Variants in SORCS2 observed in about 807,000 individuals in gnomAD.
SORCS2 encodes VPS10 domain-containing receptor SorCS2.
SORCS2 carries 100 observed loss-of-function variants against 141.6 expected under a neutral mutation model. The ratio of observed to expected loss-of-function variants is 0.71; its 90% CI spans 0.60 to 0.83. The LOEUF (loss-of-function observed/expected upper bound fraction) is 0.83, where lower values mean the gene tolerates loss of function less well. Among genes scored for constraint, SORCS2 ranks in the 40% least tolerant of loss-of-function variants. The probability of loss-of-function intolerance (pLI) is 0.00; values close to 1 mark genes in which losing one functional copy is unlikely to be tolerated. For missense variants in SORCS2, 1,646 were observed against 1,560.2 expected (o/e 1.05, Z -0.93); for synonymous variants, 789 against 676.9 (o/e 1.17, Z -2.57).
chr4:7,354,399 A>G (rs936711701), intron 1 of SORCS2, among the ~76,000 whole-genome samples: 4 of 150,736 alleles, frequency 2.7e-5, no homozygotes, highest in African/African-American at 9.8e-5. Context: ...CTCCCCCAAG[A>G]AAGACCCCCC....
rs576718626 is a variant in SORCS2 at position 7,482,555 on chromosome 4, C to T, written c.549-48975C>T. Among the ~76,000 whole-genome samples the T allele has an allele frequency of 2.5e-3, 174 of 70,250 alleles. 1 individual carries two copies. Among genetic ancestry groups the T allele is most frequent in the Non-Finnish European group, 3.9e-3 (153 of 39,416 alleles). The allele number at this position is 70,250 out of a possible 152,430, so 46.1% of individuals were successfully genotyped here. On this transcript the variant is annotated intron_variant, in intron 2 of 26. Transcript: ENST00000507866. ...GTATCCCCACTGCGGACACCCCTGA[C>T]GCTGTTCAGACCTGTATCCCCACTG...
At position 7,740,993 on chromosome 4, in the gene SORCS2, C is replaced by T; in HGVS notation, c.*729C>T. 1 of 398,656 alleles carries T rather than the reference C, an allele frequency of 2.5e-6. No individual in the cohort carries two copies. The highest frequency in any genetic ancestry group is 4.4e-5 in the Admixed American group (1 of 22,756). 24.7% of individuals were successfully genotyped at this position (398,656 alleles called of 1,614,324 possible). A position where few individuals can be genotyped will look rare whatever the true frequency, so the allele number is the denominator to read the frequency against. On this transcript the variant is annotated 3_prime_UTR_variant, in exon 27 of 27. Transcript: ENST00000507866. Reference sequence around the variant, plus strand: ...AGGGGCAGCAGCTCTCCCTGGTTCTCCCCAGGGCAGACGGGGTAGGGCGGG... The same window carrying T: ...AGGGGCAGCAGCTCTCCCTGGTTCTTCCCAGGGCAGACGGGGTAGGGCGGG...
At chr4:7,679,375 T>C (rs965363104) in intron 9 of SORCS2, among the ~76,000 whole-genome samples, 1 of 152,140 alleles carries the variant, frequency 6.6e-6, no homozygotes, top group African/African-American at 2.4e-5. Context: ...GACATCGAAA[T>C]GGTGGCTCAC....
In SORCS2 at chr4:7,725,157, C is replaced by T; in HGVS notation, c.2615C>T (p.Pro872Leu). Residue 872 changes from proline (P) to leucine (L), a missense_variant, in exon 20 of 27, where the codon CCC becomes CTC. Coordinates refer to ENST00000507866, the MANE Select transcript of SORCS2 (RefSeq NM_020777.3). ...TGGCCTTTTTGGGTCCCCACAGCCC[C>T]CCTGCAGGCCCTCTACCTGGAGGTG... is the stretch of plus-strand genomic sequence containing the variant. ...EAVLFVQVNSPLQALYLEVVP... is the reference protein window; with the variant it reads ...EAVLFVQVNSLLQALYLEVVP... 1 of 1,612,998 alleles carries T rather than the reference C, an allele frequency of 6.2e-7. No homozygotes were observed. Among genetic ancestry groups the T allele is most frequent in the Non-Finnish European group, 8.5e-7 (1 of 1,179,338 alleles).
chr4:7,408,574 G>C (rs1010983197), intron 2 of SORCS2, among the ~76,000 whole-genome samples: 10 of 151,926 alleles, frequency 6.6e-5, no homozygotes, highest in African/African-American at 2.4e-4. Context: ...ATATGCCTTG[G>C]GGGTAGTCTT....
At chr4:7,498,406 T>G (rs538802011) in intron 2 of SORCS2, among the ~76,000 whole-genome samples, 5 of 152,340 alleles carry the variant, frequency 3.3e-5, no homozygotes, top group African/African-American at 9.6e-5. Flanking sequence ...GAGAACAGTT[T>G]CCAGAATGTA....
intron 1 of SORCS2, among the ~76,000 whole-genome samples, chr4:7,322,425 C>A (rs1267767245): frequency 6.6e-6 from 1 of 152,226 alleles, no homozygotes; most frequent in African/African-American, 2.4e-5. Flanking sequence ...TTTCCCGGGG[C>A]CTCATGCACT....
At position 7,682,798 on chromosome 4, in the gene SORCS2, T is replaced by C. The variant is rs1723608258; in HGVS notation, c.1397T>C (p.Met466Thr). ...AACCAAAAAATTGATGGGAAAGTGA[T>C]GACGCTTATAACCTACAACAAGGGC... ...LANQKIDGKV[M>T]TLITYNKGRD... is the part of the protein sequence containing the mutation. The change falls in exon 10 of 27, where the codon ATG (methionine) becomes ACG (threonine). Residue 466 changes from methionine to threonine, a missense_variant. Transcript: ENST00000507866. The C allele has an allele frequency of 6.2e-7, 1 of 1,612,826 alleles. No homozygotes were observed. Among genetic ancestry groups the C allele is most frequent in the Non-Finnish European group, 8.5e-7 (1 of 1,179,406 alleles).
rs199857941 is a variant in SORCS2 at position 7,451,236 on chromosome 4, G to GTGAA, written c.548+54890_548+54893dup. Among the ~76,000 whole-genome samples, 1,086 of 152,370 alleles carry GTGAA rather than the reference G, an allele frequency of 7.1e-3. 15 individuals are homozygous for GTGAA. Among genetic ancestry groups the GTGAA allele is most frequent in the African/African-American group, 0.024 (1,005 of 41,578 alleles). On this transcript the variant is annotated intron_variant, in intron 2 of 26. Transcript: ENST00000507866. ...AGTGAATGAATGAATAAATGAGTAA[G>GTGAA]TGAATGAATGAAGTGGCCTGGGGCC...
chr4:7,322,945 A>T (rs890299659), intron 1 of SORCS2, among the ~76,000 whole-genome samples: 1 of 147,490 alleles, frequency 6.8e-6, no homozygotes, highest in South Asian at 2.2e-4. Context: ...GCTGAAATCT[A>T]CTAGGGCCTT....
At chr4:7,374,723 A>G (rs1408665582) in intron 1 of SORCS2, among the ~76,000 whole-genome samples, 1 of 152,146 alleles carries the variant, frequency 6.6e-6, no homozygotes, top group African/African-American at 2.4e-5. Flanking sequence ...TGGCTTGTAC[A>G]GTGTCTCGGT....
rs111328996 is a variant in SORCS2, at chr4:7,677,018, CCTCT to C, written c.1341+800_1341+803del. 3.3e-4 allele frequency among the ~76,000 whole-genome samples: 48 copies of C among 146,744 alleles called. No homozygotes were observed. In the South Asian group the frequency reaches 3.7e-3, roughly 11 times the overall value. On this transcript the variant is annotated intron_variant, in intron 9 of 26. Transcript: ENST00000507866. The stretch of plus-strand genomic sequence containing the variant: ...TCTCCCTCTCTGTGTGTGAAGTTGG[CCTCT>C]CTCTCTCTCTGTCTCTCTCTCACAC...
intron 1 of SORCS2, among the ~76,000 whole-genome samples, chr4:7,318,638 A>G (rs918581439): frequency 4.6e-5 from 7 of 152,206 alleles, no homozygotes; most frequent in African/African-American, 1.4e-4. Flanking sequence ...TAACTGGTGC[A>G]TGGCTAGTAC....
At chr4:7,474,556 G>A (rs768217062) in intron 2 of SORCS2, among the ~76,000 whole-genome samples, 1 of 152,182 alleles carries the variant, frequency 6.6e-6, no homozygotes, top group Non-Finnish European at 1.5e-5. Context: ...GTGTCACAGA[G>A]TCCCCAGCTC....
At chr4:7,414,177 G>A (rs370269182) in intron 2 of SORCS2, among the ~76,000 whole-genome samples, 3 of 152,318 alleles carry the variant, frequency 2.0e-5, no homozygotes, top group East Asian at 3.9e-4. Context: ...AATTCAGACT[G>A]CACAGAACAC....
At chr4:7,352,640 C>G (rs1319070843) in intron 1 of SORCS2, among the ~76,000 whole-genome samples, 1 of 152,204 alleles carries the variant, frequency 6.6e-6, no homozygotes, top group Non-Finnish European at 1.5e-5. Flanking sequence ...GGGCTCCAGG[C>G]TCTGCGTCAC....
intron 5 of SORCS2, among the ~76,000 whole-genome samples, chr4:7,658,105 AAGTG>A (rs1373055698): frequency 1.4e-5 from 2 of 143,258 alleles, no homozygotes; most frequent in African/African-American, 5.2e-5. Context: ...GCGAGTGGGT[AAGTG>A]AGTGAGTCGG....
At chr4:7,440,116 A>G (rs1727562814) in intron 2 of SORCS2, among the ~76,000 whole-genome samples, 2 of 152,172 alleles carry the variant, frequency 1.3e-5, no homozygotes, top group Admixed American at 1.3e-4. Context: ...TTTTTATTGT[A>G]AACCCCATTT....
chr4:7,583,496 C>T (rs958924647), intron 3 of SORCS2, among the ~76,000 whole-genome samples: 15 of 152,230 alleles, frequency 9.9e-5, no homozygotes, highest in African/African-American at 3.6e-4. Flanking sequence ...CAAATCTCAT[C>T]TTTAATTGTA....
Sources: allele counts gnomAD v4.1 joint callset (sites outside exome capture counted in the v4.1 genomes callset), GRCh38; gene constraint gnomAD v4.1.1; transcripts MANE v1.5; gene names NCBI Gene and HGNC (gene_info 2026-07-23, HGNC 2026-07-21).